The following PIBF1 variants were observed in gnomAD, a reference collection of about 807,000 sequenced individuals.
PIBF1 encodes progesterone-induced-blocking factor 1.
PIBF1 carries 90 observed loss-of-function variants against 112.5 expected under a neutral mutation model. The ratio of observed to expected loss-of-function variants is 0.80; its 90% CI spans 0.67 to 0.95. The LOEUF (loss-of-function observed/expected upper bound fraction) is 0.95, where lower values mean the gene tolerates loss of function less well. Ranked by LOEUF, PIBF1 falls within the 40% of genes least tolerant of loss-of-function variation. The pLI, the probability that PIBF1 is intolerant of heterozygous loss-of-function variation, is 0.00. For synonymous variants in PIBF1, 301 were observed against 288.6 expected (o/e 1.04, Z -0.44); for missense variants, 915 against 852.3 (o/e 1.07, Z -0.92).
chr13:72,891,895 T>C (rs1199729577), intron 10 of PIBF1, among the ~76,000 whole-genome samples: 2 of 152,150 alleles, frequency 1.3e-5, no homozygotes, highest in Admixed American at 1.3e-4. Context: ...GAAATGTTGA[T>C]TCATTCTACA....
intron 17 of PIBF1, among the ~76,000 whole-genome samples, chr13:73,014,251 C>A (rs1210673378): frequency 1.3e-5 from 2 of 152,008 alleles, no homozygotes; most frequent in African/African-American, 4.8e-5. Context: ...GCCACAGCAC[C>A]CAGCTAAAAT....
intron 17 of PIBF1, among the ~76,000 whole-genome samples, chr13:73,008,598 G>A (rs559498737): frequency 1.3e-5 from 2 of 152,236 alleles, no homozygotes; most frequent in African/African-American, 4.8e-5. Flanking sequence ...TGCCTCTGTG[G>A]ATCTTACATT....
chr13:72,943,687 C>T (rs2042071812), intron 14 of PIBF1, among the ~76,000 whole-genome samples: 1 of 152,144 alleles, frequency 6.6e-6, no homozygotes, highest in East Asian at 1.9e-4. Flanking sequence ...CTGTCTCCTC[C>T]CACCACTTTG....
chr13:72,936,264 G>T lies in PIBF1; in HGVS notation c.1833+4997G>T, dbSNP rs368317440. Among the ~76,000 whole-genome samples the T allele has an allele frequency of 2.0e-4, 31 of 152,086 alleles. No individual in the cohort carries two copies. In the East Asian group the frequency reaches 5.4e-3, roughly 27 times the overall value. On this transcript the variant is annotated intron_variant, in intron 14 of 17. Coordinates refer to ENST00000326291, the MANE Select transcript of PIBF1 (RefSeq NM_006346.4). ...GTTGCTCAGGTTGTCTCGAACTCCT[G>T]GGCTCAAGTGATCTTCCCACCTTGG... is the stretch of plus-strand genomic sequence containing the variant.
chr13:72,794,838 C>G (rs970336543), intron 3 of PIBF1, among the ~76,000 whole-genome samples: 5 of 152,124 alleles, frequency 3.3e-5, no homozygotes, highest in Non-Finnish European at 5.9e-5. Context: ...ATCAGATTGT[C>G]CCTTCCTGAT....
At chr13:72,783,862 G>A in intron 2 of PIBF1, 141 bp downstream of exon 2, 2 of 888,334 alleles carry the variant, frequency 2.3e-6, no homozygotes, top group South Asian at 1.8e-5. Context: ...AAATAATTTT[G>A]GTGTTCATAG....
intron 10 of PIBF1, among the ~76,000 whole-genome samples, chr13:72,860,092 A>G (rs1001321363): frequency 3.9e-4 from 60 of 152,318 alleles, no homozygotes; most frequent in African/African-American, 1.4e-3. Flanking sequence ...GTATTCAGGC[A>G]TAAGCCAAAT....
Position 73,013,749 on chromosome 13 carries a change from A to AAAAAG in PIBF1, c.2224-2115_2224-2111dup, listed in dbSNP as rs1566549210. Among the ~76,000 whole-genome samples the AAAAAG allele has an allele frequency of 1.2e-4, 16 of 128,528 alleles. 1 individual carries two copies. Among genetic ancestry groups the AAAAAG allele is most frequent in the Admixed American group, 2.3e-4 (3 of 12,972 alleles). The allele number at this position is 128,528 out of a possible 152,430, so 84.3% of individuals were successfully genotyped here. A position where few individuals can be genotyped will look rare whatever the true frequency, so the allele number is the denominator to read the frequency against. ...CCTATCTCAAAAAAAAAAAAAAAAA[A>AAAAAG]AAAAGAAAAAGAAAAAATCCTGAAA... is the stretch of plus-strand genomic sequence containing the variant. On this transcript the variant is annotated intron_variant, in intron 17 of 17. Transcript: ENST00000326291.
intron 1 of PIBF1, 121 bp from the exon 2 acceptor site, chr13:72,783,302 T>C: frequency 3.7e-6 from 2 of 539,822 alleles, no homozygotes; most frequent in East Asian, 2.8e-5. Flanking sequence ...CTGTTCTAGA[T>C]TTGGGATGCA....
intron 13 of PIBF1, among the ~76,000 whole-genome samples, chr13:72,926,785 T>C (rs1420191992): frequency 6.6e-6 from 1 of 152,182 alleles, no homozygotes; most frequent in Admixed American, 6.6e-5. Context: ...ACCAGATTAG[T>C]TAGTATAGTT....
intron 13 of PIBF1, among the ~76,000 whole-genome samples, chr13:72,923,233 C>G (rs1466694770): frequency 6.6e-6 from 1 of 152,202 alleles, no homozygotes; most frequent in African/African-American, 2.4e-5. Flanking sequence ...AAACAAAACT[C>G]TGTCATGTCC....
At chr13:72,961,800 C>A (rs923977352) in intron 14 of PIBF1, among the ~76,000 whole-genome samples, 5 of 151,932 alleles carry the variant, frequency 3.3e-5, no homozygotes, top group Admixed American at 6.6e-5. Context: ...TAGTGACATA[C>A]AATTACCATT....
At chr13:72,923,656 A>C (rs2041374955) in intron 13 of PIBF1, among the ~76,000 whole-genome samples, 1 of 152,176 alleles carries the variant, frequency 6.6e-6, no homozygotes, top group African/African-American at 2.4e-5. Context: ...CCATGTTTAT[A>C]GTTATTCTTC....
chr13:72,929,082 T>G (rs1361116924), intron 13 of PIBF1, among the ~76,000 whole-genome samples: 1 of 152,204 alleles, frequency 6.6e-6, no homozygotes, highest in Non-Finnish European at 1.5e-5. Flanking sequence ...AAAATTACCA[T>G]GTTTAAGTGA....
At position 72,893,880 on chromosome 13, in the gene PIBF1, G is replaced by C; in HGVS notation, c.1419G>C (p.Leu473=). 6.2e-7 allele frequency: 1 copy of C among 1,607,572 alleles called. No individual in the cohort carries two copies. The highest frequency in any genetic ancestry group is 8.5e-7 in the Non-Finnish European group (1 of 1,176,862). Reference sequence around the variant, plus strand: ...TTGAAAGTGAGCGTGTTCAACTTCTGCAAGAGGAAACAGCAAGAAATCTCA... The same window carrying C: ...TTGAAAGTGAGCGTGTTCAACTTCTCCAAGAGGAAACAGCAAGAAATCTCA... ...KSFESERVQL[L]QEETARNLTQ... Residue 473 remains leucine, a synonymous_variant, in exon 11 of 18, where the codon CTG becomes CTC. Coordinates refer to ENST00000326291, the MANE Select transcript of PIBF1 (RefSeq NM_006346.4).
rs921790507 is a variant in PIBF1, at chr13:72,965,072, A to G, written c.1834-202A>G. 6.0e-4 allele frequency among the ~76,000 whole-genome samples: 90 copies of G among 148,772 alleles called. 1 individual carries two copies. The highest frequency in any genetic ancestry group is 2.1e-3 in the African/African-American group (87 of 41,442). On this transcript the variant is annotated intron_variant, in intron 14 of 17. Coordinates refer to ENST00000326291, the MANE Select transcript of PIBF1 (RefSeq NM_006346.4). Reference sequence around the variant, plus strand: ...GCGAGACTGTCTCAAAAAAAAGAAAACAAAAAAAATTATTGTTTATAGTTG... The same window carrying G: ...GCGAGACTGTCTCAAAAAAAAGAAAGCAAAAAAAATTATTGTTTATAGTTG...
chr13:72,803,462 G>A (rs865886577), intron 5 of PIBF1, among the ~76,000 whole-genome samples: 5 of 152,124 alleles, frequency 3.3e-5, no homozygotes, highest in African/African-American at 1.2e-4. Context: ...AATAAAAAGA[G>A]TCATGTATAT....
intron 12 of PIBF1, 126 bp downstream of exon 12, chr13:72,908,807 G>C: frequency 1.3e-6 from 1 of 750,730 alleles, no homozygotes; most frequent in Non-Finnish European, 2.0e-6. Flanking sequence ...TTAGCACTTT[G>C]GGCGGCCAAG....
intron 16 of PIBF1, among the ~76,000 whole-genome samples, chr13:72,976,376 A>T (rs2043022912): frequency 6.6e-6 from 1 of 152,116 alleles, no homozygotes; most frequent in African/African-American, 2.4e-5. Flanking sequence ...AGGAGGGAGA[A>T]ATTTAAACAC....
Sources: allele counts gnomAD v4.1 joint callset (sites outside exome capture counted in the v4.1 genomes callset), GRCh38; gene constraint gnomAD v4.1.1; transcripts MANE v1.5; gene names NCBI Gene and HGNC (gene_info 2026-07-23, HGNC 2026-07-21).